PCDHGA12: variants seen among roughly 807,000 people sequenced by gnomAD.
The protein encoded by PCDHGA12 is protocadherin gamma-A12.
In PCDHGA12, 43 loss-of-function variants were observed where a neutral mutation model predicts 61.1. The ratio of observed to expected loss-of-function variants is 0.70; its 90% CI spans 0.55 to 0.91. PCDHGA12 has a LOEUF of 0.91. Ranked by LOEUF, PCDHGA12 falls within the 40% of genes least tolerant of loss-of-function variation. PCDHGA12 has a pLI of 0.00. For synonymous variants in PCDHGA12, 520 were observed against 542.9 expected (o/e 0.96, Z 0.59); for missense variants, 1,236 against 1,227.7 (o/e 1.01, Z -0.10).
At position 141,431,763 on chromosome 5, in the gene PCDHGA12, T is replaced by C; in HGVS notation, c.1004T>C (p.Ile335Thr). The change falls in exon 1 of 4, where the codon ATC (isoleucine) becomes ACC (threonine). Residue 335 changes from isoleucine (I) to threonine (T), a missense_variant. Ile to Thr is a moderately conservative substitution (Grantham distance 89). Transcript: ENST00000252085. The surrounding 1 kb of genome is among the most constrained non-coding windows in gnomAD (Gnocchi z 4.8). ...TATTCTGCGCGAGCCAAAGTCCTGA[T>C]CACTGTTCTGGACGTGAACGACAAT... ...AGYSARAKVL[I>T]TVLDVNDNAP... 1 of 1,614,230 alleles carries C rather than the reference T, an allele frequency of 6.2e-7. No individual in the cohort carries two copies. Among genetic ancestry groups the C allele is most frequent in the Non-Finnish European group, 8.5e-7 (1 of 1,180,030 alleles).
rs1430298222 is a variant in PCDHGA12, at chr5:141,476,741, A to C, written c.2425-18066A>C. ...CGCCCTGGACCGAGAACGGGAGCCTAGTCTCCAGTTAGTGCTGACGGCGTT... is the reference window on the plus strand; with the variant it reads ...CGCCCTGGACCGAGAACGGGAGCCTCGTCTCCAGTTAGTGCTGACGGCGTT... On this transcript the variant is annotated intron_variant, in intron 1 of 3. Coordinates refer to ENST00000252085, the MANE Select transcript of PCDHGA12 (RefSeq NM_003735.3). The surrounding 1 kb of genome is among the most constrained non-coding windows in gnomAD (Gnocchi z 7.6). 1 of 1,613,936 alleles carries C rather than the reference A, an allele frequency of 6.2e-7. No homozygotes were observed. Among genetic ancestry groups the C allele is most frequent in the South Asian group, 1.1e-5 (1 of 91,088 alleles).
chr5:141,496,663 G>A (rs2099770279), intron 2 of PCDHGA12, among the ~76,000 whole-genome samples: 1 of 152,196 alleles, frequency 6.6e-6, no homozygotes, highest in Admixed American at 6.5e-5. Context: ...GACCCCAGCT[G>A]TTGTCCTTCT....
chr5:141,475,741 G>C (rs1455125695), intron 1 of PCDHGA12, among the ~76,000 whole-genome samples: 1 of 152,268 alleles, frequency 6.6e-6, no homozygotes, highest in Non-Finnish European at 1.5e-5. Flanking sequence ...CCCTAAGGTA[G>C]GTTTCCTATG....
At chr5:141,450,014 T>A (rs867473620) in intron 1 of PCDHGA12, among the ~76,000 whole-genome samples, 7,114 of 149,588 alleles carry the variant, frequency 0.048, 422 homozygotes, top group African/African-American at 0.13. Context: ...CTCTTTTTTT[T>A]TTTTTTTTTT....
chr5:141,498,930 C>T (rs2099786911), intron 2 of PCDHGA12, among the ~76,000 whole-genome samples: 1 of 121,364 alleles, frequency 8.2e-6, no homozygotes, highest in Non-Finnish European at 1.6e-5. Flanking sequence ...GAGACTCCAT[C>T]AGGAAAGAAA....
rs1239481973 is a variant in PCDHGA12 at position 141,491,585 on chromosome 5, C to G, written c.2425-3222C>G. On this transcript the variant is annotated intron_variant, in intron 1 of 3. Coordinates refer to ENST00000252085, the MANE Select transcript of PCDHGA12 (RefSeq NM_003735.3). The surrounding 1 kb of genome is among the most constrained non-coding windows in gnomAD (Gnocchi z 6.9). ...TACAGGACGTGCTTTTCACCGGCCT[C>G]GGACGGCAGTGACTTCACTTTTCTA... 6.2e-7 allele frequency: 1 copy of G among 1,613,964 alleles called. No individual in the cohort carries two copies.
chr5:141,468,952 G>GA (rs2099186671), intron 1 of PCDHGA12, among the ~76,000 whole-genome samples: 1 of 151,198 alleles, frequency 6.6e-6, no homozygotes. Context: ...TAAACCTGTG[G>GA]TTTTTTTTAC....
At chr5:141,449,542 T>C (rs1379019468) in intron 1 of PCDHGA12, among the ~76,000 whole-genome samples, 2 of 142,482 alleles carry the variant, frequency 1.4e-5, no homozygotes, top group African/African-American at 5.3e-5. Context: ...TGAGCCGAGA[T>C]CGCACCACTG....
intron 2 of PCDHGA12, among the ~76,000 whole-genome samples, chr5:141,500,844 T>C (rs190011905): frequency 6.6e-6 from 1 of 152,204 alleles, no homozygotes; most frequent in Non-Finnish European, 1.5e-5. Flanking sequence ...AATGGGCTTT[T>C]GCTACATTAG....
chr5:141,433,080 A>T lies in PCDHGA12; in HGVS notation c.2321A>T (p.Asn774Ile), dbSNP rs1315049041. 4.3e-6 allele frequency: 7 copies of T among 1,614,174 alleles called. No homozygotes were observed. The East Asian group carries it at 1.6e-4, about 36-fold the overall frequency. ...AGTCACCTGATCTTCCCCCAGCCCA[A>T]CTATGCAGACATGCTCGTCAGCCAG... ...RKSHLIFPQP[N>I]YADMLVSQES... is the part of the protein sequence containing the mutation. Residue 774 changes from asparagine to isoleucine, a missense_variant, in exon 1 of 4, where the codon AAC becomes ATC. Transcript: ENST00000252085.
Position 141,490,481 on chromosome 5 carries a change from G to A in PCDHGA12, c.2425-4326G>A, listed in dbSNP as rs771164683. 8.7e-6 allele frequency: 14 copies of A among 1,614,060 alleles called. No homozygotes were observed. The highest frequency in any genetic ancestry group is 4.0e-5 in the African/African-American group (3 of 74,928). ...CTGCTAACCAGCCAGCCTTTGGACCGGGAGGCCACATCCCACTATATCATC... is the reference window on the plus strand; with the variant it reads ...CTGCTAACCAGCCAGCCTTTGGACCAGGAGGCCACATCCCACTATATCATC... On this transcript the variant is annotated intron_variant, in intron 1 of 3. Transcript: ENST00000252085. The surrounding 1 kb of genome is among the most constrained non-coding windows in gnomAD (Gnocchi z 5.4).
At chr5:141,502,368 G>A (rs2099813930) in intron 2 of PCDHGA12, among the ~76,000 whole-genome samples, 1 of 151,996 alleles carries the variant, frequency 6.6e-6, no homozygotes, top group East Asian at 1.9e-4. Context: ...TATTTTTAAA[G>A]AGTCCAGGCC....
At chr5:141,494,305 C>T (rs544773836) in intron 1 of PCDHGA12, among the ~76,000 whole-genome samples, 1 of 152,346 alleles carries the variant, frequency 6.6e-6, no homozygotes, top group East Asian at 1.9e-4. Context: ...GAATGTGTCA[C>T]TGCACAACCT....
rs376395066 is a variant in PCDHGA12 at position 141,490,681 on chromosome 5, C to G, written c.2425-4126C>G. On this transcript the variant is annotated intron_variant, in intron 1 of 3. Transcript: ENST00000252085. The surrounding 1 kb of genome is among the most constrained non-coding windows in gnomAD (Gnocchi z 5.4). ...TCTTTGCACTGTGGCTGCCTCAGATCCAGACACTGGGGATAATGCCCGCCT... is the reference window on the plus strand; with the variant it reads ...TCTTTGCACTGTGGCTGCCTCAGATGCAGACACTGGGGATAATGCCCGCCT... 2.5e-6 allele frequency: 4 copies of G among 1,613,998 alleles called. No homozygotes were observed. In the African/African-American group the frequency reaches 4.0e-5, roughly 16 times the overall value.
At position 141,431,574 on chromosome 5, in the gene PCDHGA12, G is replaced by T. The variant is rs1476143491; in HGVS notation, c.815G>T (p.Gly272Val). The T allele has an allele frequency of 6.2e-7, 1 of 1,614,196 alleles. No homozygotes were observed. Among genetic ancestry groups the T allele is most frequent in the Admixed American group, 1.7e-5 (1 of 60,034 alleles). Residue 272 changes from glycine to valine, a missense_variant, in exon 1 of 4, where the codon GGA becomes GTA. Gly to Val is a moderately radical substitution (Grantham distance 109). Transcript: ENST00000252085. This position sits in a 1 kb window ranked among gnomAD's most constrained non-coding sequence, Gnocchi z 4.8. The stretch of plus-strand genomic sequence containing the variant: ...GTCAACGCTACCGACCCTGACGAAG[G>T]AGTCAATGCGGAAGTGAGGTATTCC... ...LVVNATDPDE[G>V]VNAEVRYSFR...
At chr5:141,455,842 C>T (rs1224197325) in intron 1 of PCDHGA12, among the ~76,000 whole-genome samples, 1 of 150,876 alleles carries the variant, frequency 6.6e-6, no homozygotes, top group Non-Finnish European at 1.5e-5. Context: ...TGTCTATCTG[C>T]ATAAAATAAT....
At position 141,489,181 on chromosome 5, in the gene PCDHGA12, T is replaced by C; in HGVS notation, c.2425-5626T>C. The C allele has an allele frequency of 1.6e-6, 2 of 1,259,546 alleles. No homozygotes were observed. The highest frequency in any genetic ancestry group is 2.2e-6 in the Non-Finnish European group (2 of 905,040). The allele number at this position is 1,259,546 out of a possible 1,614,324, so 78.0% of individuals were successfully genotyped here. ...ACTTCAGCTGCTGCATTCCAAGCCC[T>C]GGGTCTACCTTGGAGACAGGACAGC... On this transcript the variant is annotated intron_variant, in intron 1 of 3. Transcript: ENST00000252085. This position sits in a 1 kb window ranked among gnomAD's most constrained non-coding sequence, Gnocchi z 4.5.
chr5:141,503,024 A>G (rs574653661), intron 2 of PCDHGA12, among the ~76,000 whole-genome samples: 2 of 150,210 alleles, frequency 1.3e-5, no homozygotes, highest in South Asian at 2.1e-4. Context: ...TTTTTTTTTA[A>G]TATCTATTTT....
chr5:141,483,648 TTGTGTGTGTGTGTG>T (rs111458813), intron 1 of PCDHGA12, among the ~76,000 whole-genome samples: 1 of 149,592 alleles, frequency 6.7e-6, no homozygotes, highest in Non-Finnish European at 1.5e-5. Flanking sequence ...GGGTGTGTGT[TTGTGTGTGTGTGTG>T]TGTGTGTAAA....
Sources: allele counts gnomAD v4.1 joint callset (sites outside exome capture counted in the v4.1 genomes callset), GRCh38; gene constraint gnomAD v4.1.1; non-coding constraint Gnocchi (gnomAD v3.1); transcripts MANE v1.5; gene names NCBI Gene and HGNC (gene_info 2026-07-23, HGNC 2026-07-21).